TSGA10: variants seen among roughly 807,000 people sequenced by gnomAD.
TSGA10 encodes testis specific 10.
In TSGA10, 43 loss-of-function variants were observed where a neutral mutation model predicts 96.6. The observed-to-expected ratio is 0.44, with a 90% CI of 0.35 to 0.57. The LOEUF is 0.57. Among genes scored for constraint, TSGA10 ranks in the 20% least tolerant of loss-of-function variants. The pLI is 0.01. For synonymous variants in TSGA10, 229 were observed against 269.9 expected, an observed-to-expected ratio of 0.85 and a Z score of 1.48; for missense variants, 703 against 834.4, an observed-to-expected ratio of 0.84 and a Z score of 1.94.
At chr2:99,007,200 G>GTT (rs1388279829) in intron 20 of TSGA10, among the ~76,000 whole-genome samples, 1 of 152,112 alleles carries the variant, frequency 6.6e-6, no homozygotes, top group Non-Finnish European at 1.5e-5. Flanking sequence ...TAAATGACGA[G>GTT]TTAATGGGTG....
In TSGA10 at chr2:99,114,145, C is replaced by T. The variant is rs564348466; in HGVS notation, c.-139-3230G>A. Among the ~76,000 whole-genome samples, 4 of 152,318 alleles carry T rather than the reference C, an allele frequency of 2.6e-5. No homozygotes were observed. In the East Asian group the frequency reaches 7.7e-4, roughly 29 times the overall value. ...AACTAACAGTAGCTTTAGCCTCAGA[C>T]TCTACCTCCGCATACCCAGAGTATA... On this transcript the variant is annotated intron_variant, in intron 4 of 20. Transcript: ENST00000393483.
intron 20 of TSGA10, among the ~76,000 whole-genome samples, chr2:99,017,390 G>C (rs183657864): frequency 2.0e-5 from 3 of 152,198 alleles, no homozygotes; most frequent in Non-Finnish European, 1.5e-5. Context: ...TATTCTAAGG[G>C]AAGTAACTCA....
intron 10 of TSGA10, among the ~76,000 whole-genome samples, chr2:99,089,005 G>A (rs1438535520): frequency 6.6e-6 from 1 of 152,182 alleles, no homozygotes; most frequent in East Asian, 1.9e-4. Flanking sequence ...AAAGCCGAGA[G>A]AATCCACAGA....
chr2:99,101,992 C>T (rs1190685259), intron 10 of TSGA10: 22 of 1,025,468 alleles, frequency 2.1e-5, no homozygotes, highest in African/African-American at 9.5e-5. Flanking sequence ...TTAACAATAC[C>T]GGATTATACA....
chr2:99,013,062 C>T (rs2079140421), intron 20 of TSGA10, among the ~76,000 whole-genome samples: 2 of 151,870 alleles, frequency 1.3e-5, no homozygotes, highest in Admixed American at 1.3e-4. Flanking sequence ...TTTTCTTCTG[C>T]TGGGTTTAGG....
chr2:99,099,999 C>T (rs950998298), intron 10 of TSGA10, among the ~76,000 whole-genome samples: 1 of 151,822 alleles, frequency 6.6e-6, no homozygotes, highest in African/African-American at 2.4e-5. Flanking sequence ...TCTCTACACA[C>T]AAAAAATAGG....
intron 15 of TSGA10, among the ~76,000 whole-genome samples, chr2:99,068,542 G>A (rs185399800): frequency 2.0e-5 from 3 of 152,230 alleles, no homozygotes; most frequent in Non-Finnish European, 2.9e-5. Context: ...ATTCTGATCT[G>A]CTACATAATC....
intron 17 of TSGA10, among the ~76,000 whole-genome samples, chr2:99,022,609 C>T (rs1212339448): frequency 2.6e-5 from 4 of 152,034 alleles, no homozygotes; most frequent in African/African-American, 9.7e-5. Flanking sequence ...AAATATTTGA[C>T]TTATTATACT....
chr2:98,999,520 G>GA (rs1378689441), intron 20 of TSGA10, among the ~76,000 whole-genome samples: 1 of 151,960 alleles, frequency 6.6e-6, no homozygotes, highest in Non-Finnish European at 1.5e-5. Context: ...GATTAAGTGA[G>GA]AAAAAAGGTG....
chr2:99,135,933 T>A (rs984364600), intron 1 of TSGA10, among the ~76,000 whole-genome samples: 1 of 143,222 alleles, frequency 7.0e-6, no homozygotes, highest in Non-Finnish European at 1.5e-5. Context: ...CACTTGAACC[T>A]GAGAGGTGGA....
intron 15 of TSGA10, among the ~76,000 whole-genome samples, chr2:99,067,917 C>T (rs998934796): frequency 6.6e-6 from 1 of 151,998 alleles, no homozygotes; most frequent in African/African-American, 2.4e-5. Flanking sequence ...ATTCAGATGG[C>T]TCACTGTGCT....
intron 2 of TSGA10, among the ~76,000 whole-genome samples, chr2:99,119,396 G>A (rs190737046): frequency 2.0e-5 from 3 of 152,212 alleles, no homozygotes; most frequent in Admixed American, 2.0e-4. Flanking sequence ...TCATGACACT[G>A]AGAATGAAAT....
intron 16 of TSGA10, among the ~76,000 whole-genome samples, chr2:99,043,042 C>T (rs2082356276): frequency 6.6e-6 from 1 of 152,018 alleles, no homozygotes; most frequent in African/African-American, 2.4e-5. Flanking sequence ...CATTTTCAAG[C>T]AACCAGATGT....
chr2:99,113,734 A>C (rs2104880897), intron 4 of TSGA10, among the ~76,000 whole-genome samples: 1 of 148,704 alleles, frequency 6.7e-6, no homozygotes, highest in Non-Finnish European at 1.5e-5. Flanking sequence ...TTTAGTAGAG[A>C]CCGGGTTTCA....
chr2:99,120,699 A>T (rs770242191), intron 2 of TSGA10, among the ~76,000 whole-genome samples: 2 of 152,346 alleles, frequency 1.3e-5, no homozygotes, highest in South Asian at 4.1e-4. Context: ...CATAAACAAC[A>T]TAGTATATCA....
At chr2:99,150,789 A>T (rs914136288) in intron 1 of TSGA10, 21 of 1,605,752 alleles carry the variant, frequency 1.3e-5, no homozygotes, top group Non-Finnish European at 1.8e-5. Context: ...GTTCAGTGGT[A>T]TATGTCAAAG....
At chr2:99,021,541 A>G (rs1229167071) in intron 17 of TSGA10, among the ~76,000 whole-genome samples, 3 of 152,180 alleles carry the variant, frequency 2.0e-5, no homozygotes, top group Admixed American at 6.5e-5. Context: ...AATCAAATAA[A>G]CTAAAACAAG....
At chr2:99,103,407 C>T (rs970064874) in intron 10 of TSGA10, among the ~76,000 whole-genome samples, 1 of 152,168 alleles carries the variant, frequency 6.6e-6, no homozygotes, top group Admixed American at 6.5e-5. Context: ...TCTTCAAAAA[C>T]TCATTCTCCC....
intron 15 of TSGA10, among the ~76,000 whole-genome samples, chr2:99,065,501 T>C (rs988563836): frequency 1.3e-5 from 2 of 152,190 alleles, no homozygotes; most frequent in Admixed American, 6.5e-5. Flanking sequence ...CCTCTGACCT[T>C]TCGTACTGGT....
Sources: gnomAD v4.1 joint callset for allele counts (sites outside exome capture counted in the v4.1 genomes callset) on GRCh38, gnomAD v4.1.1 for gene constraint, MANE v1.5 for transcripts, NCBI Gene and HGNC (gene_info 2026-07-23, HGNC 2026-07-21) for gene names.